Variants in PRPF18 observed in about 807,000 individuals in gnomAD.
PRPF18 encodes pre-mRNA-splicing factor 18.
In PRPF18, 38 loss-of-function variants were observed where a neutral mutation model predicts 46.5. That is an observed-to-expected ratio of 0.82 (90% CI 0.63 to 1.07). The LOEUF (loss-of-function observed/expected upper bound fraction) is 1.07. Ranked by LOEUF, PRPF18 falls within the 50% of genes least tolerant of loss-of-function variation. The probability of loss-of-function intolerance (pLI) is 0.00; values close to 1 mark genes in which losing one functional copy is unlikely to be tolerated. For missense variants in PRPF18, 263 were observed against 410.0 expected (o/e 0.64, Z 3.10); for synonymous variants, 152 against 146.7 (o/e 1.04, Z -0.26).
At chr10:13,603,597 T>C (rs901563746) in intron 3 of PRPF18, among the ~76,000 whole-genome samples, 1 of 152,200 alleles carries the variant, frequency 6.6e-6, no homozygotes, top group Non-Finnish European at 1.5e-5. Flanking sequence ...TTTTTGTCTT[T>C]GACTGACTGA....
chr10:13,629,677 T>C (rs2080564864), intron 9 of PRPF18, among the ~76,000 whole-genome samples: 1 of 152,232 alleles, frequency 6.6e-6, no homozygotes, highest in African/African-American at 2.4e-5. Context: ...TGCCACTTGC[T>C]TTTTACTTTC....
At position 13,610,107 on chromosome 10, in the gene PRPF18, C is replaced by G; in HGVS notation, c.432C>G (p.Gly144=). Residue 144 remains glycine, a synonymous_variant, in exon 5 of 10, where the codon GGC becomes GGG. Transcript: ENST00000378572. ...IDQQYLNEIV[G]GQEPGEEDTQ... ...AGCAGTACCTCAATGAAATCGTCGGCGGTCAGGAGCCTGGAGAGGAAGACA... is the reference window on the plus strand; with the variant it reads ...AGCAGTACCTCAATGAAATCGTCGGGGGTCAGGAGCCTGGAGAGGAAGACA... 6.2e-7 allele frequency: 1 copy of G among 1,613,646 alleles called. No homozygotes were observed. Among genetic ancestry groups the G allele is most frequent in the Admixed American group, 1.7e-5 (1 of 60,016 alleles).
At chr10:13,636,017 G>C in the PRPF18 span, among the ~76,000 whole-genome samples, 1 of 152,332 alleles carries the variant, frequency 6.6e-6, no homozygotes, top group African/African-American at 2.4e-5. Context: ...TAAGCCATCT[G>C]TTAGAAAATT....
chr10:13,622,487 G>A (rs906546213), intron 9 of PRPF18, among the ~76,000 whole-genome samples: 1 of 152,182 alleles, frequency 6.6e-6, no homozygotes, highest in African/African-American at 2.4e-5. Flanking sequence ...TGGTACTCAC[G>A]TAAATGAAAT....
At chr10:13,597,793 T>A (rs1351073746) in intron 2 of PRPF18, 1 of 686,624 alleles carries the variant, frequency 1.5e-6, no homozygotes, top group Non-Finnish European at 2.2e-6. Flanking sequence ...AGATCAAAGC[T>A]TGAATTTTTT....
the PRPF18 span, chr10:13,645,070 G>A: frequency 6.6e-6 from 1 of 152,324 alleles, no homozygotes; most frequent in Non-Finnish European, 1.5e-5. Flanking sequence ...CCGGGTCCCG[G>A]CCAGGTGTGT....
chr10:13,606,003 T>G (rs2502207), intron 4 of PRPF18, among the ~76,000 whole-genome samples: 1 of 151,942 alleles, frequency 6.6e-6, no homozygotes, highest in African/African-American at 2.4e-5. Context: ...GAAATTTCCC[T>G]GAGAGCATCA....
Position 13,599,497 on chromosome 10 carries a change from C to T in PRPF18, c.145-747C>T, listed in dbSNP as rs531224774. Among the ~76,000 whole-genome samples, 5 of 152,288 alleles carry T rather than the reference C, an allele frequency of 3.3e-5. No homozygotes were observed. In the South Asian group the frequency reaches 1.0e-3, roughly 32 times the overall value. ...TTCAGTATCTTTTTTATAGACTCCACAAAGGGGCTTGTAAATTGCTGAATT... is the reference window on the plus strand; with the variant it reads ...TTCAGTATCTTTTTTATAGACTCCATAAAGGGGCTTGTAAATTGCTGAATT... On this transcript the variant is annotated intron_variant, in intron 2 of 9. Transcript: ENST00000378572.
At chr10:13,590,135 T>C (rs752042585) in intron 1 of PRPF18, among the ~76,000 whole-genome samples, 2 of 152,202 alleles carry the variant, frequency 1.3e-5, no homozygotes, top group African/African-American at 2.4e-5. Flanking sequence ...AAAAAAACTT[T>C]AGATTCTTCA....
intron 1 of PRPF18, chr10:13,591,707 C>G (rs1190904558): frequency 2.4e-6 from 2 of 824,100 alleles, no homozygotes; most frequent in Admixed American, 4.7e-5. Flanking sequence ...GGGATTTTTA[C>G]ATCGCTGATA....
chr10:13,608,588 T>C (rs542360043), intron 4 of PRPF18, among the ~76,000 whole-genome samples: 1 of 152,378 alleles, frequency 6.6e-6, no homozygotes, highest in South Asian at 2.1e-4. Context: ...TACTTTCACA[T>C]GCAATTCAGT....
chr10:13,643,267 C>G, the PRPF18 span: 1 of 152,200 alleles, frequency 6.6e-6, no homozygotes, highest in Admixed American at 6.5e-5. Context: ...CATGGAGAGA[C>G]TAAAGACGAT....
chr10:13,650,481 C>CTCTT, the PRPF18 span, among the ~76,000 whole-genome samples: 6 of 152,210 alleles, frequency 3.9e-5, no homozygotes, highest in African/African-American at 1.2e-4. Context: ...CCCACCGCAG[C>CTCTT]TCTTTCAAAC....
chr10:13,595,208 C>T (rs1057323655), intron 1 of PRPF18, among the ~76,000 whole-genome samples: 2 of 151,990 alleles, frequency 1.3e-5, no homozygotes, highest in South Asian at 2.1e-4. Context: ...CACATAATGT[C>T]TTAGTATATC....
downstream of PRPF18, among the ~76,000 whole-genome samples, chr10:13,634,463 C>A (rs999587827): frequency 4.6e-5 from 7 of 152,236 alleles, no homozygotes; most frequent in Non-Finnish European, 8.8e-5. Flanking sequence ...TCCTGCAATC[C>A]GCTGTCCTGG....
At chr10:13,590,086 G>A (rs986259437) in intron 1 of PRPF18, among the ~76,000 whole-genome samples, 10 of 149,978 alleles carry the variant, frequency 6.7e-5, no homozygotes, top group Non-Finnish European at 8.9e-5. Flanking sequence ...CATGTTCTTC[G>A]TCATTGAAAT....
chr10:13,621,938 C>G (rs2031607), intron 9 of PRPF18, among the ~76,000 whole-genome samples: 30,188 of 152,126 alleles, frequency 0.2, 3,782 homozygotes, highest in East Asian at 0.52. Context: ...ATTTATCTGT[C>G]CATGGAACAT....
the PRPF18 span, chr10:13,649,126 GT>G: frequency 6.6e-6 from 1 of 152,124 alleles, no homozygotes; most frequent in South Asian, 2.1e-4. Flanking sequence ...ATGAAATGTA[GT>G]TGACTCTCTT....
At position 13,614,075 on chromosome 10, in the gene PRPF18, G is replaced by T; in HGVS notation, c.781G>T (p.Glu261Ter). Reference sequence around the variant, plus strand: ...TATTATTAAATTCATGTTGCAGAGAGAATACGTGAAGGTACATTCCCATGC... The same window carrying T: ...TATTATTAAATTCATGTTGCAGAGATAATACGTGAAGGTACATTCCCATGC... ...TDIIKFMLQR[E>*]YVKANDAYLQ... The change falls in exon 8 of 10, where the codon GAA (glutamate) becomes TAA (stop). Residue 261 changes from glutamate to a stop codon, truncating the protein, a stop_gained. Transcript: ENST00000378572. LOFTEE classifies it high-confidence loss of function. 6.3e-7 allele frequency: 1 copy of T among 1,580,514 alleles called. No individual in the cohort carries two copies. The highest frequency in any genetic ancestry group is 1.2e-5 in the South Asian group (1 of 86,424).
Sources: allele counts gnomAD v4.1 joint callset (sites outside exome capture counted in the v4.1 genomes callset), GRCh38; gene constraint gnomAD v4.1.1; transcripts MANE v1.5; gene names NCBI Gene and HGNC (gene_info 2026-07-23, HGNC 2026-07-21).